The following LIMCH1 variants were observed in gnomAD, a reference collection of about 807,000 sequenced individuals.
The protein encoded by LIMCH1 is LIM and calponin homology domains-containing protein 1.
LIMCH1 carries 113 observed loss-of-function variants against 176.5 expected under a neutral mutation model. That is an observed-to-expected ratio of 0.64 (90% CI 0.55 to 0.75). LIMCH1 has a LOEUF of 0.75. Ranked by LOEUF, LIMCH1 falls within the 30% of genes least tolerant of loss-of-function variation. The pLI, the probability that LIMCH1 is intolerant of heterozygous loss-of-function variation, is 0.00. For missense variants in LIMCH1, 1,674 were observed against 1,814.9 expected, an observed-to-expected ratio of 0.92 and a Z score of 1.41; for synonymous variants, 619 against 645.9, an observed-to-expected ratio of 0.96 and a Z score of 0.63.
intron 1 of LIMCH1, among the ~76,000 whole-genome samples, chr4:41,545,101 T>C (rs556481918): frequency 1.3e-5 from 2 of 152,314 alleles, no homozygotes; most frequent in South Asian, 2.1e-4. Flanking sequence ...AATACAAGGG[T>C]AAAACAGATT....
intron 31 of LIMCH1, among the ~76,000 whole-genome samples, chr4:41,695,876 T>TATA (rs926889043): frequency 4.6e-5 from 7 of 152,168 alleles, no homozygotes; most frequent in Admixed American, 4.6e-4. Flanking sequence ...ATGCTTGTAT[T>TATA]GGTCAAATAT....
At chr4:41,496,686 A>C (rs2072214065) in intron 2 of LIMCH1, among the ~76,000 whole-genome samples, 3 of 152,210 alleles carry the variant, frequency 2.0e-5, no homozygotes. Context: ...ACAGACTGAG[A>C]TTAGCAGGTG....
intron 1 of LIMCH1, among the ~76,000 whole-genome samples, chr4:41,471,379 G>A (rs2066938990): frequency 6.6e-6 from 1 of 152,122 alleles, no homozygotes; most frequent in African/African-American, 2.4e-5. Flanking sequence ...AGAGCTGGGT[G>A]GAACAATGCT....
intron 1 of LIMCH1, among the ~76,000 whole-genome samples, chr4:41,434,388 C>A (rs552084176): frequency 6.6e-6 from 1 of 152,322 alleles, no homozygotes; most frequent in Admixed American, 6.5e-5. Context: ...GGCAGCAACC[C>A]AGACTAGCTG....
Position 41,697,187 on chromosome 4 carries a change from A to C in LIMCH1, c.*2A>C, listed in dbSNP as rs745995108. On this transcript the variant is annotated 3_prime_UTR_variant, in exon 32 of 32. Coordinates refer to ENST00000503057, the MANE Select transcript of LIMCH1 (RefSeq NM_001330672.2). ...GCCGGGCAGCCTACAACATTGTGAC[A>C]CGGCTTTCAAGCTTCCGGATCACTC... 15 of 1,613,378 alleles carry C rather than the reference A, an allele frequency of 9.3e-6. No individual in the cohort carries two copies. Among genetic ancestry groups the C allele is most frequent in the Non-Finnish European group, 1.7e-6 (2 of 1,179,566 alleles).
intron 3 of LIMCH1, among the ~76,000 whole-genome samples, chr4:41,524,971 G>A (rs887243699): frequency 6.6e-6 from 1 of 152,302 alleles, no homozygotes; most frequent in African/African-American, 2.4e-5. Context: ...GGGGCACTAA[G>A]GTGGTCTAAC....
intron 8 of LIMCH1, among the ~76,000 whole-genome samples, chr4:41,627,665 T>C (rs941434461): frequency 6.6e-6 from 1 of 152,224 alleles, no homozygotes; most frequent in Non-Finnish European, 1.5e-5. Flanking sequence ...TTGGAGTGAA[T>C]TGGGGACAGG....
Position 41,699,357 on chromosome 4 carries a change from A to G in LIMCH1, c.*2172A>G, listed in dbSNP as rs879024013. On this transcript the variant is annotated 3_prime_UTR_variant, in exon 32 of 32. Coordinates refer to ENST00000503057, the MANE Select transcript of LIMCH1 (RefSeq NM_001330672.2). ...AATAAAGCCCCATTCTCCAACTGCA[A>G]AATGTGCTTTCCCATAATGAACACT... The G allele has an allele frequency of 6.6e-6, 1 of 152,192 alleles. No individual in the cohort carries two copies. The highest frequency in any genetic ancestry group is 1.5e-5 in the Non-Finnish European group (1 of 68,034). The allele number at this position is 152,192 out of a possible 1,614,324, so 9.4% of individuals were successfully genotyped here.
intron 1 of LIMCH1, among the ~76,000 whole-genome samples, chr4:41,434,520 T>G (rs1273249054): frequency 6.6e-6 from 1 of 152,134 alleles, no homozygotes; most frequent in Non-Finnish European, 1.5e-5. Flanking sequence ...AGTTGGTTTT[T>G]GGGGTATTTT....
intron 13 of LIMCH1, among the ~76,000 whole-genome samples, chr4:41,637,813 G>A (rs927494339): frequency 6.6e-6 from 1 of 152,064 alleles, no homozygotes; most frequent in Admixed American, 6.5e-5. Flanking sequence ...TGCATTCTGG[G>A]GTGTTTTCTC....
At chr4:41,664,039 C>G (rs1220321473) in intron 20 of LIMCH1, among the ~76,000 whole-genome samples, 1 of 151,842 alleles carries the variant, frequency 6.6e-6, no homozygotes, top group Non-Finnish European at 1.5e-5. Flanking sequence ...GACCCCATCT[C>G]AAAAACAAAC....
chr4:41,406,595 A>G (rs1215564874), intron 1 of LIMCH1, among the ~76,000 whole-genome samples: 1 of 152,168 alleles, frequency 6.6e-6, no homozygotes, highest in Admixed American at 6.5e-5. Flanking sequence ...TTAGATATTA[A>G]TGGAAAAAAA....
chr4:41,431,420 T>G (rs2061597343), intron 1 of LIMCH1, among the ~76,000 whole-genome samples: 2 of 152,296 alleles, frequency 1.3e-5, no homozygotes, highest in South Asian at 4.1e-4. Context: ...TTCAGTGGCT[T>G]GTTGTGAGGG....
chr4:41,425,070 G>A (rs763796874), intron 1 of LIMCH1, among the ~76,000 whole-genome samples: 1 of 152,098 alleles, frequency 6.6e-6, no homozygotes, highest in African/African-American at 2.4e-5. Context: ...GTGTGACATC[G>A]TTCATTGCTT....
chr4:41,686,407 TG>T (rs781764632), intron 28 of LIMCH1, among the ~76,000 whole-genome samples: 3 of 152,178 alleles, frequency 2.0e-5, no homozygotes, highest in African/African-American at 4.8e-5. Context: ...ACAATAAAAT[TG>T]AGGCTCAGGG....
chr4:41,579,298 A>G (rs1411545347), intron 1 of LIMCH1, among the ~76,000 whole-genome samples: 1 of 152,166 alleles, frequency 6.6e-6, no homozygotes, highest in Admixed American at 6.5e-5. Flanking sequence ...AGTCATTGAA[A>G]TTGATCGGGC....
intron 1 of LIMCH1, among the ~76,000 whole-genome samples, chr4:41,592,338 G>A (rs955693714): frequency 2.0e-5 from 3 of 152,200 alleles, no homozygotes; most frequent in Admixed American, 6.5e-5. Context: ...ACAAATGATG[G>A]CTTATAAGCA....
chr4:41,570,257 T>C (rs1253213774), intron 1 of LIMCH1, among the ~76,000 whole-genome samples: 3 of 152,240 alleles, frequency 2.0e-5, no homozygotes, highest in Non-Finnish European at 4.4e-5. Flanking sequence ...CCAGTAGTCT[T>C]ACAGCGAAGC....
chr4:41,489,634 A>C (rs990108688), intron 1 of LIMCH1, among the ~76,000 whole-genome samples: 1 of 152,124 alleles, frequency 6.6e-6, no homozygotes, highest in Non-Finnish European at 1.5e-5. Flanking sequence ...ATTCCATTGC[A>C]ATCAGATAAC....
Sources: gnomAD v4.1 joint callset for allele counts (sites outside exome capture counted in the v4.1 genomes callset) on GRCh38, gnomAD v4.1.1 for gene constraint, MANE v1.5 for transcripts, NCBI Gene and HGNC (gene_info 2026-07-23, HGNC 2026-07-21) for gene names.